Variants in NTRK3 observed in about 807,000 individuals in gnomAD.
The protein encoded by NTRK3 is NT-3 growth factor receptor.
A neutral mutation model predicts 91.7 loss-of-function variants in NTRK3; 24 were observed. The ratio of observed to expected loss-of-function variants is 0.26; its 90% CI spans 0.19 to 0.37. The LOEUF (loss-of-function observed/expected upper bound fraction) is 0.37. Ranked by LOEUF, NTRK3 falls within the 10% of genes least tolerant of loss-of-function variation. NTRK3 has a pLI of 1.00. For missense variants in NTRK3, 880 were observed against 1,068.9 expected (o/e 0.82, Z 2.46); for synonymous variants, 483 against 404.0 (o/e 1.20, Z -2.34).
exon 19 of NTRK3, chr15:87,862,654 A>C (rs933836436): frequency 4.4e-6 from 1 of 228,952 alleles, no homozygotes; most frequent in African/African-American, 2.2e-5. Context: ...CTATATAAAA[A>C]CTGGCCAATC....
At chr15:87,916,511 G>T in intron 17 of NTRK3, 1 of 702,108 alleles carries the variant, frequency 1.4e-6, no homozygotes, top group Non-Finnish European at 2.6e-6. Context: ...TTCTTATGGG[G>T]CATCTTCCCC....
At chr15:88,132,044 C>T (rs972876610) in intron 10 of NTRK3, 1 of 197,000 alleles carries the variant, frequency 5.1e-6, no homozygotes, top group Non-Finnish European at 1.1e-5. Flanking sequence ...GTAAATTAAT[C>T]TTCACCACAA....
At chr15:88,011,054 A>C (rs1002723761) in intron 14 of NTRK3, among the ~76,000 whole-genome samples, 4 of 152,078 alleles carry the variant, frequency 2.6e-5, no homozygotes, top group African/African-American at 4.8e-5. Context: ...TTCCTGGTCC[A>C]TGGGTTGTTG....
At chr15:87,876,659 G>C (rs558882042) in exon 19 of NTRK3, 1 of 215,430 alleles carries the variant, frequency 4.6e-6, no homozygotes, top group East Asian at 6.9e-5. Flanking sequence ...CAGCTTCTCT[G>C]TGTACTAGAG....
At chr15:88,169,749 C>T (rs16941367) in intron 5 of NTRK3, among the ~76,000 whole-genome samples, 2,481 of 152,274 alleles carry the variant, frequency 0.016, 54 homozygotes, top group African/African-American at 0.056. Context: ...GGCTTTCTCT[C>T]TCACTGCCAG....
intron 5 of NTRK3, among the ~76,000 whole-genome samples, chr15:88,154,787 G>T (rs1567542618): frequency 2.0e-5 from 3 of 152,098 alleles, no homozygotes; most frequent in South Asian, 2.1e-4. Flanking sequence ...AGATCATATT[G>T]CTTGAAAATT....
intron 17 of NTRK3, among the ~76,000 whole-genome samples, chr15:87,894,695 C>T (rs1567079335): frequency 1.3e-5 from 2 of 152,254 alleles, no homozygotes; most frequent in South Asian, 4.1e-4. Flanking sequence ...TTTCTCACTG[C>T]CCCCCTTCTC....
At chr15:88,039,392 G>GT (rs1268125079) in intron 13 of NTRK3, among the ~76,000 whole-genome samples, 1 of 152,118 alleles carries the variant, frequency 6.6e-6, no homozygotes, top group African/African-American at 2.4e-5. Context: ...TTGGTGCCTT[G>GT]TTTTTTTCTT....
intron 11 of NTRK3, among the ~76,000 whole-genome samples, chr15:88,128,183 G>T (rs2053484833): frequency 1.3e-5 from 2 of 152,128 alleles, no homozygotes; most frequent in South Asian, 4.1e-4. Flanking sequence ...ATTCTTTTAG[G>T]ATTGTCTAGC....
At chr15:87,959,316 G>A (rs774848985) in intron 14 of NTRK3, among the ~76,000 whole-genome samples, 4 of 152,224 alleles carry the variant, frequency 2.6e-5, no homozygotes, top group Admixed American at 6.5e-5. Context: ...CTGGTAGACA[G>A]TGGTGCTCAA....
At chr15:87,976,990 C>A (rs2073781307) in intron 14 of NTRK3, among the ~76,000 whole-genome samples, 1 of 150,906 alleles carries the variant, frequency 6.6e-6, no homozygotes, top group Admixed American at 6.6e-5. Context: ...GCTGCTCAGA[C>A]AACAGAACAT....
intron 13 of NTRK3, among the ~76,000 whole-genome samples, chr15:88,084,471 C>T (rs2048326195): frequency 6.6e-6 from 1 of 152,166 alleles, no homozygotes; most frequent in Admixed American, 6.5e-5. Context: ...TTGGAAGCAG[C>T]GTCTTCACTC....
At chr15:88,232,266 C>A (rs2051272075) in intron 3 of NTRK3, among the ~76,000 whole-genome samples, 1 of 151,756 alleles carries the variant, frequency 6.6e-6, no homozygotes, top group Non-Finnish European at 1.5e-5. Context: ...AAACCCACCC[C>A]ACCCCACCCC....
intron 3 of NTRK3, among the ~76,000 whole-genome samples, chr15:88,206,624 C>A (rs1277441204): frequency 6.8e-6 from 1 of 147,330 alleles, no homozygotes; most frequent in Non-Finnish European, 1.5e-5. Flanking sequence ...CGCCACTGCA[C>A]TCCGGCCTGG....
chr15:87,938,006 C>A (rs749394924), intron 15 of NTRK3, among the ~76,000 whole-genome samples: 2 of 151,750 alleles, frequency 1.3e-5, no homozygotes, highest in African/African-American at 4.8e-5. Context: ...GGATCTCATT[C>A]CCTCCTCTGC....
At chr15:88,141,671 G>A (rs556641980) in intron 6 of NTRK3, among the ~76,000 whole-genome samples, 1 of 152,376 alleles carries the variant, frequency 6.6e-6, no homozygotes, top group South Asian at 2.1e-4. Flanking sequence ...AAGCCACACA[G>A]CACTTGATGC....
intron 5 of NTRK3, among the ~76,000 whole-genome samples, chr15:88,168,747 G>C (rs1208952392): frequency 1.3e-5 from 2 of 152,188 alleles, no homozygotes; most frequent in South Asian, 2.1e-4. Context: ...GAAGACTTGG[G>C]GGTCATCTCC....
At chr15:88,107,021 T>C (rs967389118) in intron 13 of NTRK3, among the ~76,000 whole-genome samples, 1 of 149,610 alleles carries the variant, frequency 6.7e-6, no homozygotes, top group African/African-American at 2.5e-5. Flanking sequence ...TGTACATATA[T>C]ACATTTACAT....
intron 5 of NTRK3, among the ~76,000 whole-genome samples, chr15:88,161,848 GC>G (rs1733638973): frequency 6.6e-6 from 1 of 152,180 alleles, no homozygotes; most frequent in African/African-American, 2.4e-5. Context: ...TGGTGGGACT[GC>G]ATCGTCCTGG....
Sources: gnomAD v4.1 joint callset for allele counts (sites outside exome capture counted in the v4.1 genomes callset) on GRCh38, gnomAD v4.1.1 for gene constraint, MANE v1.5 for transcripts, NCBI Gene and HGNC (gene_info 2026-07-23, HGNC 2026-07-21) for gene names.